The following ZBBX variants were observed in gnomAD, a reference collection of about 807,000 sequenced individuals.
ZBBX encodes zinc finger B-box domain containing.
ZBBX carries 101 observed loss-of-function variants against 108.5 expected under a neutral mutation model. The observed-to-expected ratio is 0.93, with a 90% CI of 0.79 to 1.10. The LOEUF is 1.10. Ranked by LOEUF, ZBBX falls within the 50% of genes least tolerant of loss-of-function variation. The pLI, the probability that ZBBX is intolerant of heterozygous loss-of-function variation, is 0.00. For synonymous variants in ZBBX, 356 were observed against 323.4 expected (o/e 1.10, Z -1.08); for missense variants, 1,009 against 941.4 (o/e 1.07, Z -0.94).
chr3:167,368,712 A>G, intron 4 of ZBBX, 138 bp from the exon 5 acceptor site: 2 of 1,280,408 alleles, frequency 1.6e-6, no homozygotes, highest in Non-Finnish European at 2.0e-6. Flanking sequence ...CTTCTCCGAA[A>G]TCTGGTTTTT....
chr3:167,284,514 C>A (rs1229228946), intron 19 of ZBBX, among the ~76,000 whole-genome samples: 2 of 151,960 alleles, frequency 1.3e-5, no homozygotes, highest in Non-Finnish European at 2.9e-5. Context: ...AACGAAAATA[C>A]TATGAGTAAG....
chr3:167,242,326 A>G (rs1720821181), intron 21 of ZBBX, among the ~76,000 whole-genome samples, 179 bp downstream of exon 21: 1 of 152,200 alleles, frequency 6.6e-6, no homozygotes, highest in South Asian at 2.1e-4. Context: ...ACAACTTTAT[A>G]AGCCTTTTAC....
chr3:167,213,563 T>C, the ZBBX span, among the ~76,000 whole-genome samples: 1 of 152,170 alleles, frequency 6.6e-6, no homozygotes, highest in Non-Finnish European at 1.5e-5. Flanking sequence ...ACCATATCTA[T>C]GAATCACTGG....
chr3:167,311,889 C>T (rs910268267), intron 16 of ZBBX, among the ~76,000 whole-genome samples: 1 of 152,040 alleles, frequency 6.6e-6, no homozygotes, highest in African/African-American at 2.4e-5. Flanking sequence ...TAAAACAAAA[C>T]TAAACATACC....
At chr3:167,278,294 A>T (rs1728062692) in intron 20 of ZBBX, among the ~76,000 whole-genome samples, 2 of 149,744 alleles carry the variant, frequency 1.3e-5, no homozygotes, top group Non-Finnish European at 3.0e-5. Flanking sequence ...CCCTTCAAAA[A>T]ATTAATGAAT....
chr3:167,325,686 C>A (rs1041688943), intron 11 of ZBBX, among the ~76,000 whole-genome samples: 16 of 152,198 alleles, frequency 1.1e-4, no homozygotes, highest in African/African-American at 2.4e-4. Context: ...CATTTGACCC[C>A]ACCACATAGC....
intron 1 of ZBBX, among the ~76,000 whole-genome samples, chr3:167,404,914 G>T (rs1002511810): frequency 3.0e-4 from 46 of 152,260 alleles, no homozygotes; most frequent in African/African-American, 1.1e-3. Flanking sequence ...TGCAGAAACT[G>T]GTCGGGGGGA....
intron 9 of ZBBX, among the ~76,000 whole-genome samples, chr3:167,334,859 A>T (rs1211198481): frequency 6.6e-6 from 1 of 152,142 alleles, no homozygotes. Context: ...CACTATCCAA[A>T]GGGGTACATC....
chr3:167,238,795 A>G (rs1720336526), downstream of ZBBX, among the ~76,000 whole-genome samples: 1 of 152,114 alleles, frequency 6.6e-6, no homozygotes, highest in Non-Finnish European at 1.5e-5. Context: ...CTCGACTTAT[A>G]AGATTATAAA....
intron 10 of ZBBX, among the ~76,000 whole-genome samples, chr3:167,333,373 GCAGT>G (rs983344938): frequency 2.6e-5 from 4 of 152,182 alleles, no homozygotes; most frequent in Admixed American, 2.0e-4. Context: ...TGTCAGATCA[GCAGT>G]CAATCTAAAT....
the ZBBX span, among the ~76,000 whole-genome samples, chr3:167,211,344 C>T: frequency 3.3e-5 from 5 of 152,168 alleles, no homozygotes; most frequent in African/African-American, 9.7e-5. Flanking sequence ...GCCACTCAGG[C>T]TTGTGTGGAG....
At chr3:167,404,918 G>T (rs956382935) in intron 1 of ZBBX, among the ~76,000 whole-genome samples, 3 of 152,068 alleles carry the variant, frequency 2.0e-5, no homozygotes, top group Non-Finnish European at 4.4e-5. Flanking sequence ...GAAACTGGTC[G>T]GGGGGAGTAG....
At chr3:167,352,035 G>C (rs1255692244) in intron 8 of ZBBX, among the ~76,000 whole-genome samples, 2 of 151,756 alleles carry the variant, frequency 1.3e-5, no homozygotes, top group Non-Finnish European at 2.9e-5. Flanking sequence ...TAAGGGGGAG[G>C]TATATAGCAT....
At chr3:167,289,077 A>C (rs1730209742) in intron 18 of ZBBX, 94 bp from the exon 19 acceptor site, 1 of 638,568 alleles carries the variant, frequency 1.6e-6, no homozygotes, top group Admixed American at 3.3e-5. Flanking sequence ...ACAATATTTA[A>C]CTGAATAAAG....
intron 20 of ZBBX, among the ~76,000 whole-genome samples, chr3:167,256,302 C>CT (rs1300469093): frequency 1.3e-5 from 2 of 151,850 alleles, no homozygotes; most frequent in African/African-American, 2.4e-5. Flanking sequence ...ATATGGGTTT[C>CT]TTTTTTTACT....
the ZBBX span, among the ~76,000 whole-genome samples, chr3:167,206,005 C>A: frequency 6.6e-6 from 1 of 151,986 alleles, no homozygotes; most frequent in African/African-American, 2.4e-5. Context: ...GTTAAGAACA[C>A]CTAAAATCTG....
rs187489734 is a variant in ZBBX at position 167,338,128 on chromosome 3, T to C, written c.529-4143A>G. On this transcript the variant is annotated intron_variant, in intron 9 of 21. Coordinates refer to ENST00000675490, the MANE Select transcript of ZBBX (RefSeq NM_001199201.2). ...TAGAAACTAAACTAGAGCCAAAAGATGTGATTTACTGCCAGCATTTCCAGA... is the reference window on the plus strand; with the variant it reads ...TAGAAACTAAACTAGAGCCAAAAGACGTGATTTACTGCCAGCATTTCCAGA... Among the ~76,000 whole-genome samples the C allele has an allele frequency of 2.6e-3, 395 of 152,276 alleles. 3 individuals are homozygous for C. The highest frequency in any genetic ancestry group is 9.3e-3 in the African/African-American group (385 of 41,586).
downstream of ZBBX, among the ~76,000 whole-genome samples, chr3:167,238,329 G>A (rs1720315906): frequency 6.6e-6 from 1 of 151,992 alleles, no homozygotes; most frequent in South Asian, 2.1e-4. Context: ...AATAATTGTG[G>A]AGGAGTCATA....
the ZBBX span, among the ~76,000 whole-genome samples, chr3:167,187,906 C>T: frequency 6.6e-6 from 1 of 152,104 alleles, no homozygotes. Context: ...CCAGATAAAA[C>T]AGTTAATATT....
Sources: gnomAD v4.1 joint callset for allele counts (sites outside exome capture counted in the v4.1 genomes callset) on GRCh38, gnomAD v4.1.1 for gene constraint, MANE v1.5 for transcripts, NCBI Gene and HGNC (gene_info 2026-07-23, HGNC 2026-07-21) for gene names.